PDE4DIP: variants seen among roughly 807,000 people sequenced by gnomAD.
PDE4DIP encodes the protein phosphodiesterase 4D interacting protein, also known as myomegalin.
Under a neutral mutation model 221.4 loss-of-function variants are expected in PDE4DIP, and 59 were observed. The ratio of observed to expected loss-of-function variants is 0.27; its 90% CI spans 0.22 to 0.33. PDE4DIP has a LOEUF of 0.33. PDE4DIP is among the 10% of genes least tolerant of loss of function. The pLI is 1.00. For missense variants in PDE4DIP, 1,036 were observed against 2,154.2 expected, an observed-to-expected ratio of 0.48 and a Z score of 10.28; for synonymous variants, 404 against 815.9, an observed-to-expected ratio of 0.50 and a Z score of 8.60.
At chr1:148,990,138 C>T (rs2062732215) in intron 21 of PDE4DIP, 1 of 790,224 alleles carries the variant, frequency 1.3e-6, no homozygotes, top group Non-Finnish European at 1.5e-6. Context: ...CCTCTTAGCA[C>T]TTCCATGAGA....
chr1:148,919,535 C>A (rs1318098461), intron 1 of PDE4DIP, among the ~76,000 whole-genome samples: 1 of 151,734 alleles, frequency 6.6e-6, no homozygotes, highest in African/African-American at 2.4e-5. Flanking sequence ...AGAGTCCTTT[C>A]TGAAAATGCT....
At chr1:148,981,568 A>T in intron 21 of PDE4DIP, 171 bp downstream of exon 24, 1 of 708,532 alleles carries the variant, frequency 1.4e-6, no homozygotes. Flanking sequence ...TACAAGTAGC[A>T]TCAACTACAA....
At chr1:149,025,988 T>C (rs2075035315) in intron 38 of PDE4DIP, 2 of 151,346 alleles carry the variant, frequency 1.3e-5, no homozygotes, top group Non-Finnish European at 2.9e-5. Context: ...TGTCTCCAAC[T>C]CTTCCTTCTA....
intron 1 of PDE4DIP, among the ~76,000 whole-genome samples, chr1:148,902,668 A>G (rs1163249526): frequency 1.2e-5 from 1 of 83,706 alleles, no homozygotes; most frequent in African/African-American, 7.0e-5. Flanking sequence ...CATCCAGATC[A>G]TTGTGAATGC....
intron 6 of PDE4DIP, among the ~76,000 whole-genome samples, chr1:148,961,194 C>T (rs1363980803): frequency 6.6e-6 from 1 of 152,084 alleles, no homozygotes; most frequent in Non-Finnish European, 1.5e-5. Context: ...TGTAATCCCA[C>T]CTACTCGGGA....
rs782475809 is a variant in PDE4DIP at position 148,965,456 on chromosome 1, C to T, written c.1195-28C>T. 54 of 1,322,520 alleles carry T rather than the reference C, an allele frequency of 4.1e-5. No individual in the cohort carries two copies. In the Admixed American group the frequency reaches 8.3e-4, roughly 20 times the overall value. 81.9% of individuals were successfully genotyped at this position (1,322,520 alleles called of 1,614,324 possible). A position where few individuals can be genotyped will look rare whatever the true frequency, so the allele number is the denominator to read the frequency against. On this transcript the variant is annotated intron_variant, in intron 9 of 43. Coordinates refer to ENST00000369354, the Ensembl canonical transcript of PDE4DIP. ...ATAACCATGTGACAATTTTAGATCTCTTTAAAAAGGTAATATGTTTAATTC... is the reference window on the plus strand; with the variant it reads ...ATAACCATGTGACAATTTTAGATCTTTTTAAAAAGGTAATATGTTTAATTC...
In PDE4DIP at chr1:149,030,285, A is replaced by G; in HGVS notation, c.6999+7A>G. The G allele has an allele frequency of 6.6e-7, 1 of 1,524,086 alleles. No homozygotes were observed. The highest frequency in any genetic ancestry group is 8.9e-7 in the Non-Finnish European group (1 of 1,122,220). 94.4% of individuals were successfully genotyped at this position (1,524,086 alleles called of 1,614,324 possible). On this transcript the variant is annotated splice_region_variant and intron_variant, in intron 43 of 43. Transcript: ENST00000369354. ...GGCAAGGACTAACTTAGAGGTAAGG[A>G]AACTACTGCACCAGTCAGAGGCACC...
At chr1:148,950,630 T>C (rs1553486727) in intron 5 of PDE4DIP, among the ~76,000 whole-genome samples, 1 of 131,710 alleles carries the variant, frequency 7.6e-6, no homozygotes, top group African/African-American at 2.9e-5. Flanking sequence ...ACAAGTCACA[T>C]GGCCAGAGCA....
chr1:148,934,340 C>T (rs2048722120), intron 4 of PDE4DIP, among the ~76,000 whole-genome samples: 1 of 151,472 alleles, frequency 6.6e-6, no homozygotes, highest in African/African-American at 2.4e-5. Context: ...AACTAAAAAC[C>T]AAAACAAAAC....
exon 21 of PDE4DIP, chr1:148,981,348 A>T (rs782608529): frequency 6.2e-7 from 1 of 1,614,090 alleles, no homozygotes; most frequent in Non-Finnish European, 8.5e-7. Context: ...AAGTTCTTGG[A>T]AGAAGCTTGG....
chr1:148,946,593 C>T (rs2051799492), intron 5 of PDE4DIP, among the ~76,000 whole-genome samples: 1 of 139,678 alleles, frequency 7.2e-6, no homozygotes, highest in Admixed American at 7.1e-5. Context: ...GGGTAATCTT[C>T]CTAAAAAAAG....
At position 149,022,917 on chromosome 1, in the gene PDE4DIP, A is replaced by G. The variant is rs199524380; in HGVS notation, c.6086-1528A>G. On this transcript the variant is annotated intron_variant, in intron 37 of 43. Transcript: ENST00000369354. ...AGATGACAGTCTAATATAAGGTGCT[A>G]TTGGGAAGATGAAAGGGTATAGATA... Among the ~76,000 whole-genome samples, 8 of 152,172 alleles carry G rather than the reference A, an allele frequency of 5.3e-5. No homozygotes were observed. In the South Asian group the frequency reaches 1.2e-3, roughly 24 times the overall value.
At chr1:148,997,086 T>A (rs2064421299) in intron 22 of PDE4DIP, among the ~76,000 whole-genome samples, 2 of 152,154 alleles carry the variant, frequency 1.3e-5, no homozygotes, top group Non-Finnish European at 2.9e-5. Flanking sequence ...CTCCAAATGC[T>A]GCCACTGAGA....
intron 1 of PDE4DIP, among the ~76,000 whole-genome samples, chr1:148,914,739 CA>C (rs1252388465): frequency 1.4e-5 from 2 of 144,704 alleles, no homozygotes; most frequent in Admixed American, 1.4e-4. Context: ...GTTTAAGAAA[CA>C]ATGTGAGGAG....
In PDE4DIP at chr1:148,981,259, T is replaced by C; in HGVS notation, c.2688-11T>C. The C allele has an allele frequency of 1.9e-6, 3 of 1,612,640 alleles. No homozygotes were observed. The highest frequency in any genetic ancestry group is 1.7e-6 in the Non-Finnish European group (2 of 1,179,728). ...TAATCCACTTTCCTTCCATGTGGCA[T>C]GTTTAATCAGCTCTGAGAGAGACCG... On this transcript the variant is annotated splice_polypyrimidine_tract_variant and intron_variant, in intron 20 of 43. Coordinates refer to ENST00000369354, the Ensembl canonical transcript of PDE4DIP.
At chr1:148,981,360 G>A (rs2061038803) in exon 21 of PDE4DIP, 1 of 1,614,100 alleles carries the variant, frequency 6.2e-7, no homozygotes, top group Non-Finnish European at 8.5e-7. Flanking sequence ...GAAGCTTGGA[G>A]CGCTTAAACA....
At chr1:149,009,545 G>A (rs368384005) in intron 29 of PDE4DIP, 23 bp from the exon 33 acceptor site, 34 of 1,521,384 alleles carry the variant, frequency 2.2e-5, no homozygotes, top group Middle Eastern at 1.8e-4. Flanking sequence ...GGTTTTACCC[G>A]TTGTCCCCCT....
At chr1:148,941,528 C>T (rs1159768425) in intron 5 of PDE4DIP, among the ~76,000 whole-genome samples, 29 of 126,554 alleles carry the variant, frequency 2.3e-4, no homozygotes, top group Middle Eastern at 4.1e-3. Context: ...TCCTAGTTGT[C>T]GTGGAAACTG....
intron 1 of PDE4DIP, among the ~76,000 whole-genome samples, chr1:148,927,694 AT>A: frequency 6.6e-6 from 1 of 151,464 alleles, no homozygotes; most frequent in African/African-American, 2.4e-5. Context: ...TCAACCTCTG[AT>A]CTAAAGACTT....
Sources: allele counts gnomAD v4.1 joint callset (sites outside exome capture counted in the v4.1 genomes callset), GRCh38; gene constraint gnomAD v4.1.1; transcripts MANE v1.5; gene names NCBI Gene and HGNC (gene_info 2026-07-23, HGNC 2026-07-21).